PLEKHH2: variants seen among roughly 807,000 people sequenced by gnomAD.
The protein encoded by PLEKHH2 is pleckstrin homology domain-containing family H member 2.
Under a neutral mutation model 187.9 loss-of-function variants are expected in PLEKHH2, and 129 were observed. The ratio of observed to expected loss-of-function variants is 0.69; its 90% CI spans 0.59 to 0.79. The LOEUF (loss-of-function observed/expected upper bound fraction) is 0.79. Among genes scored for constraint, PLEKHH2 ranks in the 30% least tolerant of loss-of-function variants. The pLI is 0.00. For missense variants in PLEKHH2, 2,076 were observed against 1,751.2 expected (o/e 1.19, Z -3.31); for synonymous variants, 686 against 605.6 (o/e 1.13, Z -1.95).
intron 19 of PLEKHH2, among the ~76,000 whole-genome samples, chr2:43,733,218 C>A (rs989780511): frequency 6.6e-5 from 10 of 151,994 alleles, no homozygotes; most frequent in Non-Finnish European, 1.0e-4. Flanking sequence ...CAAAAATTAG[C>A]CGAGTGTGAT....
At chr2:43,703,719 C>G (rs937300922) in intron 8 of PLEKHH2, among the ~76,000 whole-genome samples, 1 of 151,944 alleles carries the variant, frequency 6.6e-6, no homozygotes, top group South Asian at 2.1e-4. Context: ...TTTTTCTTCA[C>G]GTCTTCAAAA....
At chr2:43,731,434 G>C in intron 18 of PLEKHH2, 56 bp from the exon 19 acceptor site, 2 of 1,143,486 alleles carry the variant, frequency 1.7e-6, no homozygotes, top group Non-Finnish European at 2.6e-6. Flanking sequence ...AATTTAATAA[G>C]AGGCCACAAT....
rs372392909 is a variant in PLEKHH2 at position 43,679,026 on chromosome 2, T to G, written c.186+101T>G. The G allele has an allele frequency of 1.1e-5, 8 of 716,600 alleles. No homozygotes were observed. In the South Asian group the frequency reaches 1.7e-4, roughly 15 times the overall value. 44.4% of individuals were successfully genotyped at this position (716,600 alleles called of 1,614,324 possible). On this transcript the variant is annotated intron_variant, in intron 3 of 29. Coordinates refer to ENST00000282406, the MANE Select transcript of PLEKHH2 (RefSeq NM_172069.4). ...ACAATTATCAGCCCACCTCTACATC[T>G]TATCTTTTTGACTGTTCATAGCTTG...
At chr2:43,732,130 G>A (rs988779746) in intron 19 of PLEKHH2, among the ~76,000 whole-genome samples, 7 of 152,114 alleles carry the variant, frequency 4.6e-5, no homozygotes, top group Non-Finnish European at 5.9e-5. Flanking sequence ...TTGGGAGGCC[G>A]AGGAGGGTGG....
In PLEKHH2 at chr2:43,699,795, T is replaced by TG. The variant is rs1553339574; in HGVS notation, c.841dup (p.Ala281GlyfsTer5). ...CAGATGGTGGCATCTCCCAGAATTC[T>TG]GGGGCTCCTGTGAGTGACTGGAGCT... On this transcript the variant is annotated frameshift_variant, in exon 8 of 30. Transcript: ENST00000282406. LOFTEE classifies it high-confidence loss of function. 10 of 1,614,016 alleles carry TG rather than the reference T, an allele frequency of 6.2e-6. No individual in the cohort carries two copies. Among genetic ancestry groups the TG allele is most frequent in the Non-Finnish European group, 8.5e-6 (10 of 1,180,030 alleles).
intron 14 of PLEKHH2, 80 bp from the exon 15 acceptor site, chr2:43,712,145 T>C: frequency 1.3e-6 from 2 of 1,521,404 alleles, no homozygotes; most frequent in Admixed American, 1.7e-5. Context: ...AGTAATGACG[T>C]TTGAATAATG....
Position 43,726,452 on chromosome 2 carries a change from G to A in PLEKHH2, c.2721+1G>A, listed in dbSNP as rs772819408. ...CCTAATTGGATCCAAGCATGAAAAGGTATTCAAAGACTTATTGGTTGATTT... is the reference window on the plus strand; with the variant it reads ...CCTAATTGGATCCAAGCATGAAAAGATATTCAAAGACTTATTGGTTGATTT... On this transcript the variant is annotated splice_donor_variant, in intron 17 of 29. Coordinates refer to ENST00000282406, the MANE Select transcript of PLEKHH2 (RefSeq NM_172069.4). LOFTEE classifies it high-confidence loss of function. The A allele has an allele frequency of 6.3e-7, 1 of 1,595,952 alleles. No homozygotes were observed. The highest frequency in any genetic ancestry group is 2.2e-5 in the East Asian group (1 of 44,722).
Position 43,755,713 on chromosome 2 carries a change from G to A in PLEKHH2, c.3796-1406G>A, listed in dbSNP as rs376420141. On this transcript the variant is annotated intron_variant, in intron 25 of 29. Coordinates refer to ENST00000282406, the MANE Select transcript of PLEKHH2 (RefSeq NM_172069.4). Reference sequence around the variant, plus strand: ...TTTGAAGGCTCCTTCAGTCATGTCTGGTGGCTGATTGATGCCGGCTGTTTG... The same window carrying A: ...TTTGAAGGCTCCTTCAGTCATGTCTAGTGGCTGATTGATGCCGGCTGTTTG... 4.9e-4 allele frequency among the ~76,000 whole-genome samples: 75 copies of A among 152,236 alleles called. No homozygotes were observed. The South Asian group carries it at 0.015, about 31-fold the overall frequency.
At chr2:43,675,455 G>A (rs987456047) in intron 2 of PLEKHH2, 3 of 1,613,724 alleles carry the variant, frequency 1.9e-6, no homozygotes, top group Admixed American at 1.7e-5. Context: ...AGCCGGTACA[G>A]GCCATACATC....
chr2:43,759,748 ATCTTCC>A (rs1186988941), intron 27 of PLEKHH2, among the ~76,000 whole-genome samples: 6 of 152,208 alleles, frequency 3.9e-5, no homozygotes. Context: ...TGATCCTAAA[ATCTTCC>A]TCTTGTACCT....
intron 19 of PLEKHH2, among the ~76,000 whole-genome samples, chr2:43,733,934 A>G (rs573613579): frequency 7.2e-5 from 11 of 152,360 alleles, no homozygotes; most frequent in Non-Finnish European, 1.6e-4. Context: ...GATGTGGTCA[A>G]TTTTATAAGA....
intron 25 of PLEKHH2, among the ~76,000 whole-genome samples, chr2:43,756,118 G>A (rs960030540): frequency 1.3e-5 from 2 of 152,020 alleles, no homozygotes; most frequent in African/African-American, 4.8e-5. Context: ...TTGTGGTTCC[G>A]AACACAACTG....
At chr2:43,717,274 C>T (rs913876740) in intron 15 of PLEKHH2, among the ~76,000 whole-genome samples, 2 of 152,004 alleles carry the variant, frequency 1.3e-5, no homozygotes, top group Admixed American at 1.3e-4. Context: ...AAAAATTAGC[C>T]GGGCATGGCA....
chr2:43,695,511 C>T (rs1039653200), intron 6 of PLEKHH2, among the ~76,000 whole-genome samples: 22 of 152,192 alleles, frequency 1.4e-4, no homozygotes, highest in Admixed American at 3.9e-4. Flanking sequence ...TTCTAAAAGA[C>T]CTTCCATTGG....
At chr2:43,704,099 CTT>C (rs1318773588) in intron 9 of PLEKHH2, 43 bp downstream of exon 9, 1 of 1,362,274 alleles carries the variant, frequency 7.3e-7, no homozygotes, top group East Asian at 2.3e-5. Context: ...ACCTTGAGGA[CTT>C]TGTGCTAAGG....
At chr2:43,752,266 T>C (rs1158519346) in intron 24 of PLEKHH2, among the ~76,000 whole-genome samples, 1 of 152,246 alleles carries the variant, frequency 6.6e-6, no homozygotes, top group Non-Finnish European at 1.5e-5. Context: ...CATCTGTTTC[T>C]GTTGCCCAGC....
chr2:43,642,351 GT>G lies in PLEKHH2; in HGVS notation c.-3-2317del, dbSNP rs767377866. 1.2e-4 allele frequency among the ~76,000 whole-genome samples: 18 copies of G among 152,064 alleles called. No homozygotes were observed. The East Asian group carries it at 3.1e-3, about 26-fold the overall frequency. ...TCCTGAAACCTTGCTAAACTCTATA[GT>G]TTAGTATTTTTTTGTGGATTCCTTA... is the stretch of plus-strand genomic sequence containing the variant. On this transcript the variant is annotated intron_variant, in intron 1 of 29. Transcript: ENST00000282406.
At chr2:43,652,564 G>C (rs958152494) in intron 2 of PLEKHH2, among the ~76,000 whole-genome samples, 1 of 152,108 alleles carries the variant, frequency 6.6e-6, no homozygotes, top group Non-Finnish European at 1.5e-5. Context: ...AGTCTCTAGG[G>C]ACTCCATGAG....
At chr2:43,684,817 A>C (rs1484229977) in intron 3 of PLEKHH2, among the ~76,000 whole-genome samples, 3 of 135,626 alleles carry the variant, frequency 2.2e-5, no homozygotes. Context: ...TACTCCCATT[A>C]CCAAAAAAAA....
Sources: allele counts gnomAD v4.1 joint callset (sites outside exome capture counted in the v4.1 genomes callset), GRCh38; gene constraint gnomAD v4.1.1; transcripts MANE v1.5; gene names NCBI Gene and HGNC (gene_info 2026-07-23, HGNC 2026-07-21).